The following NOS1AP variants were observed in gnomAD, a reference collection of about 807,000 sequenced individuals.
NOS1AP encodes the protein carboxyl-terminal PDZ ligand of neuronal nitric oxide synthase protein.
Under a neutral mutation model 56.2 loss-of-function variants are expected in NOS1AP, and 21 were observed. The observed-to-expected ratio is 0.37, with a 90% CI of 0.26 to 0.54. The LOEUF is 0.54. NOS1AP is among the 20% of genes least tolerant of loss of function. The pLI, the probability that NOS1AP is intolerant of heterozygous loss-of-function variation, is 0.84. For missense variants in NOS1AP, 522 were observed against 657.8 expected (o/e 0.79, Z 2.26); for synonymous variants, 270 against 274.6 (o/e 0.98, Z 0.17).
At chr1:162,314,488 CTG>C (rs1656165216) in intron 4 of NOS1AP, among the ~76,000 whole-genome samples, 1 of 152,242 alleles carries the variant, frequency 6.6e-6, no homozygotes, top group Non-Finnish European at 1.5e-5. Context: ...TTTCCTTACT[CTG>C]TGCTTCATTT....
At chr1:162,268,942 G>T (rs1254232501) in intron 2 of NOS1AP, among the ~76,000 whole-genome samples, 2 of 152,100 alleles carry the variant, frequency 1.3e-5, no homozygotes, top group Non-Finnish European at 2.9e-5. Context: ...GTGGAAACTG[G>T]CCTAAGAACC....
chr1:162,105,308 T>G (rs1272868857), intron 1 of NOS1AP, among the ~76,000 whole-genome samples: 1 of 152,234 alleles, frequency 6.6e-6, no homozygotes, highest in Non-Finnish European at 1.5e-5. Flanking sequence ...GGCATTGACC[T>G]GTTGCTGTTC....
chr1:162,367,492 C>A lies in NOS1AP; in HGVS notation c.*25C>A. On this transcript the variant is annotated 3_prime_UTR_variant, in exon 10 of 10. Transcript: ENST00000361897. The surrounding 1 kb of genome is among the most constrained non-coding windows in gnomAD (Gnocchi z 6.5). ...GGTGCCGAGGGCGAGGAGATGGAGG[C>A]GGCGGCGTGGCTGGAGGGGCCGTGT... 1.3e-6 allele frequency: 2 copies of A among 1,529,850 alleles called. No homozygotes were observed. The highest frequency in any genetic ancestry group is 8.8e-7 in the Non-Finnish European group (1 of 1,137,014). The allele number at this position is 1,529,850 out of a possible 1,614,324, so 94.8% of individuals were successfully genotyped here. A position where few individuals can be genotyped will look rare whatever the true frequency, so the allele number is the denominator to read the frequency against.
intron 2 of NOS1AP, among the ~76,000 whole-genome samples, chr1:162,237,348 A>C (rs1325509714): frequency 6.6e-6 from 1 of 152,304 alleles, no homozygotes; most frequent in South Asian, 2.1e-4. Context: ...AAGGCAGGAC[A>C]CCCTCTGAAA....
intron 5 of NOS1AP, among the ~76,000 whole-genome samples, chr1:162,341,921 T>C (rs1415079655): frequency 6.6e-6 from 1 of 152,226 alleles, no homozygotes; most frequent in East Asian, 1.9e-4. Context: ...CTGTGTCTTC[T>C]AAATCACGCC....
At chr1:162,129,971 G>A (rs1381506816) in intron 1 of NOS1AP, among the ~76,000 whole-genome samples, 1 of 152,316 alleles carries the variant, frequency 6.6e-6, no homozygotes, top group East Asian at 1.9e-4. Flanking sequence ...AATTACTTGG[G>A]TTTAATTTAT....
intron 1 of NOS1AP, among the ~76,000 whole-genome samples, chr1:162,148,222 C>T (rs990566901): frequency 6.6e-6 from 1 of 152,226 alleles, no homozygotes; most frequent in South Asian, 2.1e-4. Flanking sequence ...GAGAGATTCT[C>T]CCATGGGCAC....
At chr1:162,229,331 G>A (rs990516999) in intron 2 of NOS1AP, among the ~76,000 whole-genome samples, 24 of 152,244 alleles carry the variant, frequency 1.6e-4, no homozygotes, top group African/African-American at 5.8e-4. Flanking sequence ...AGGAAACCCT[G>A]GAGTAAGAAA....
At chr1:162,342,231 A>G (rs767704681) in intron 5 of NOS1AP, among the ~76,000 whole-genome samples, 9 of 152,224 alleles carry the variant, frequency 5.9e-5, no homozygotes, top group Admixed American at 3.3e-4. Flanking sequence ...TGAGAGACCA[A>G]TGGAGAATAT....
Position 162,070,045 on chromosome 1 carries a change from GGCTCCCCCTGCCCAGC to G in NOS1AP, c.-126_-111del. ...CCGGGTCCGGCCGCCGCGCGGCCAG[GGCTCCCCCTGCCCAGC>G]GCTCCCAGGCCCCGCCACGCGTCGC... On this transcript the variant is annotated 5_prime_UTR_variant, in exon 1 of 10. Transcript: ENST00000361897. 1 of 589,072 alleles carries G rather than the reference GGCTCCCCCTGCCCAGC, an allele frequency of 1.7e-6. No homozygotes were observed. Among genetic ancestry groups the G allele is most frequent in the Non-Finnish European group, 2.8e-6 (1 of 353,960 alleles). 36.5% of individuals were successfully genotyped at this position (589,072 alleles called of 1,614,324 possible).
At chr1:162,163,172 T>C (rs139080252) in intron 2 of NOS1AP, among the ~76,000 whole-genome samples, 2 of 152,352 alleles carry the variant, frequency 1.3e-5, no homozygotes, top group Non-Finnish European at 2.9e-5. Context: ...TTCCATAGCA[T>C]GGCTATACCA....
At chr1:162,115,109 G>A (rs904708634) in intron 1 of NOS1AP, among the ~76,000 whole-genome samples, 12 of 152,122 alleles carry the variant, frequency 7.9e-5, no homozygotes, top group African/African-American at 2.7e-4. Flanking sequence ...ATTGTTCTAG[G>A]TACTGAGCCT....
At chr1:162,201,080 C>A (rs992950392) in intron 2 of NOS1AP, among the ~76,000 whole-genome samples, 5 of 152,056 alleles carry the variant, frequency 3.3e-5, no homozygotes, top group African/African-American at 4.8e-5. Flanking sequence ...TCTGATAAAC[C>A]CCAGTTTGTT....
chr1:162,193,086 AG>A (rs1651694600), intron 2 of NOS1AP, among the ~76,000 whole-genome samples: 1 of 152,200 alleles, frequency 6.6e-6, no homozygotes, highest in Non-Finnish European at 1.5e-5. Context: ...GTTGAAGGAT[AG>A]TTACAATAGT....
intron 1 of NOS1AP, among the ~76,000 whole-genome samples, chr1:162,132,498 G>A (rs1220080451): frequency 6.6e-6 from 1 of 152,218 alleles, no homozygotes; most frequent in African/African-American, 2.4e-5. Flanking sequence ...ATTTCTCCGT[G>A]ACCTTCAGGT....
At chr1:162,323,735 T>A (rs555534784) in intron 4 of NOS1AP, among the ~76,000 whole-genome samples, 1 of 152,340 alleles carries the variant, frequency 6.6e-6, no homozygotes, top group Non-Finnish European at 1.5e-5. Context: ...GTGAACCTCT[T>A]CTTATCCCAT....
intron 2 of NOS1AP, among the ~76,000 whole-genome samples, chr1:162,173,042 C>T (rs1650876631): frequency 6.6e-6 from 1 of 152,156 alleles, no homozygotes; most frequent in African/African-American, 2.4e-5. Flanking sequence ...CCACTGCACA[C>T]TGCAGCCCCC....
intron 2 of NOS1AP, among the ~76,000 whole-genome samples, chr1:162,214,261 G>A (rs950440103): frequency 2.4e-5 from 3 of 123,514 alleles, no homozygotes; most frequent in East Asian, 2.1e-4. Flanking sequence ...TTGTTCATTC[G>A]TTCGTTCGTT....
At chr1:162,179,787 C>T (rs1042270532) in intron 2 of NOS1AP, among the ~76,000 whole-genome samples, 6 of 152,118 alleles carry the variant, frequency 3.9e-5, no homozygotes, top group South Asian at 2.1e-4. Flanking sequence ...ATCATGAAGG[C>T]GCTGACTTGC....
Sources: gnomAD v4.1 joint callset for allele counts (sites outside exome capture counted in the v4.1 genomes callset) on GRCh38, gnomAD v4.1.1 for gene constraint, Gnocchi (gnomAD v3.1) non-coding constraint, MANE v1.5 for transcripts, NCBI Gene and HGNC (gene_info 2026-07-23, HGNC 2026-07-21) for gene names.